VPS4A: variants seen among roughly 807,000 people sequenced by gnomAD.
The protein encoded by VPS4A is vacuolar protein sorting-associated protein 4A.
Under a neutral mutation model 52.3 loss-of-function variants are expected in VPS4A, and 20 were observed. That is an observed-to-expected ratio of 0.38 (90% CI 0.27 to 0.56). The LOEUF is 0.56. Among genes scored for constraint, VPS4A ranks in the 20% least tolerant of loss-of-function variants. The pLI is 0.72. For synonymous variants in VPS4A, 293 were observed against 227.7 expected (o/e 1.29, Z -2.58); for missense variants, 419 against 575.9 (o/e 0.73, Z 2.79).
At chr16:69,315,778 C>G (rs1023875090) in intron 1 of VPS4A, among the ~76,000 whole-genome samples, 1 of 152,178 alleles carries the variant, frequency 6.6e-6, no homozygotes, top group Non-Finnish European at 1.5e-5. Context: ...AAATCCAGAG[C>G]GTGGCTTTTA....
chr16:69,319,680 T>C, intron 6 of VPS4A, 137 bp downstream of exon 6: 1 of 1,210,144 alleles, frequency 8.3e-7, no homozygotes, highest in Non-Finnish European at 1.1e-6. Flanking sequence ...TGTCGCTAGC[T>C]TATCGGCTGG....
At chr16:69,315,701 T>C (rs1435256909) in intron 1 of VPS4A, among the ~76,000 whole-genome samples, 2 of 152,178 alleles carry the variant, frequency 1.3e-5, no homozygotes, top group African/African-American at 2.4e-5. Context: ...GGCAGCAGAA[T>C]AGAAAGTCCC....
chr16:69,311,475 C>G lies in VPS4A; in HGVS notation c.-37C>G. On this transcript the variant is annotated 5_prime_UTR_variant, in exon 1 of 11. Transcript: ENST00000254950. ...CCCGGGGCCGGACCGAGGCCGCAAG[C>G]AGCGCCGCGGGGTGTGGGGCGGACC... 25 of 1,300,964 alleles carry G rather than the reference C, an allele frequency of 1.9e-5. No homozygotes were observed. The highest frequency in any genetic ancestry group is 2.4e-5 in the Non-Finnish European group (24 of 1,013,684). 80.6% of individuals were successfully genotyped at this position (1,300,964 alleles called of 1,614,324 possible).
intron 6 of VPS4A, among the ~76,000 whole-genome samples, chr16:69,319,814 G>C (rs1965487927): frequency 6.6e-6 from 1 of 152,208 alleles, no homozygotes; most frequent in South Asian, 2.1e-4. Flanking sequence ...TGTTGGGGCA[G>C]TGTGTGGGGG....
Position 69,321,094 on chromosome 16 carries a change from C to G in VPS4A, c.895C>G (p.Arg299Gly). ...TATCCCCTTGCCGGAGGAAGCTGCCCGCGCCCAGATGTTCCGGTTGCATCT... is the reference window on the plus strand; with the variant it reads ...TATCCCCTTGCCGGAGGAAGCTGCCGGCGCCCAGATGTTCCGGTTGCATCT... ...IYIPLPEEAA[R>G]AQMFRLHLGS... The change falls in exon 9 of 11, where the codon CGC becomes GGC. Residue 299 changes from arginine (R) to glycine (G), a missense_variant. Arg to Gly is a moderately radical substitution (Grantham distance 125). This residue lies in a region of VPS4A where 185 missense variants were observed against 200.2 expected (regional missense o/e 0.92). Coordinates refer to ENST00000254950, the MANE Select transcript of VPS4A (RefSeq NM_013245.3). This position sits in a 1 kb window ranked among gnomAD's most constrained non-coding sequence, Gnocchi z 4.5. 1 of 1,596,628 alleles carries G rather than the reference C, an allele frequency of 6.3e-7. No individual in the cohort carries two copies. Among genetic ancestry groups the G allele is most frequent in the Non-Finnish European group, 8.5e-7 (1 of 1,171,746 alleles).
At position 69,321,889 on chromosome 16, in the gene VPS4A, T is replaced by C. The variant is rs1302950787; in HGVS notation, c.1071+619T>C. 1 of 157,802 alleles carries C rather than the reference T, an allele frequency of 6.3e-6. No homozygotes were observed. The highest frequency in any genetic ancestry group is 1.4e-5 in the Non-Finnish European group (1 of 71,900). 9.8% of individuals were successfully genotyped at this position (157,802 alleles called of 1,614,324 possible). A position where few individuals can be genotyped will look rare whatever the true frequency, so the allele number is the denominator to read the frequency against. On this transcript the variant is annotated intron_variant, in intron 9 of 10. Coordinates refer to ENST00000254950, the MANE Select transcript of VPS4A (RefSeq NM_013245.3). The surrounding 1 kb of genome is among the most constrained non-coding windows in gnomAD (Gnocchi z 4.5). ...GGTGAAGGTGTGAGGGAATGAGCCT[T>C]GTGGACATTGGGGGAATGTTTTGCC... is the stretch of plus-strand genomic sequence containing the variant.
rs768241015 is a variant in VPS4A, at chr16:69,320,334, A to AG, written c.769+46dup. On this transcript the variant is annotated intron_variant, in intron 7 of 10. Coordinates refer to ENST00000254950, the MANE Select transcript of VPS4A (RefSeq NM_013245.3). The surrounding 1 kb of genome is among the most constrained non-coding windows in gnomAD (Gnocchi z 4.2). Reference sequence around the variant, plus strand: ...CCCCCTTGGTTCTTGTTGCACCTGAAGCCAACCCTGGGCTTTATTCTGAGC... The same window carrying AG: ...CCCCCTTGGTTCTTGTTGCACCTGAAGGCCAACCCTGGGCTTTATTCTGAGC... 1 of 1,600,160 alleles carries AG rather than the reference A, an allele frequency of 6.2e-7. No homozygotes were observed. The highest frequency in any genetic ancestry group is 8.5e-7 in the Non-Finnish European group (1 of 1,169,694).
chr16:69,320,441 C>A lies in VPS4A; in HGVS notation c.769+152C>A. 1 of 1,154,022 alleles carries A rather than the reference C, an allele frequency of 8.7e-7. No homozygotes were observed. Among genetic ancestry groups the A allele is most frequent in the Non-Finnish European group, 1.2e-6 (1 of 829,222 alleles). 71.5% of individuals were successfully genotyped at this position (1,154,022 alleles called of 1,614,324 possible). ...TCAGGGCACGGGTGGACTTCAATTC[C>A]CAAGAGGTGCCTGAGGCCTCTGCCT... On this transcript the variant is annotated intron_variant, in intron 7 of 10. Coordinates refer to ENST00000254950, the MANE Select transcript of VPS4A (RefSeq NM_013245.3). This position sits in a 1 kb window ranked among gnomAD's most constrained non-coding sequence, Gnocchi z 4.2.
rs1052832205 is a variant in VPS4A at position 69,319,379 on chromosome 16, T to C, written c.464-8T>C. The C allele has an allele frequency of 9.3e-6, 15 of 1,613,562 alleles. No homozygotes were observed. The highest frequency in any genetic ancestry group is 1.3e-5 in the African/African-American group (1 of 74,946). On this transcript the variant is annotated splice_region_variant and splice_polypyrimidine_tract_variant and intron_variant, in intron 5 of 10. Coordinates refer to ENST00000254950, the MANE Select transcript of VPS4A (RefSeq NM_013245.3). ...AGGAGGCCTAACTTCTGTGGTTCTC[T>C]GTTGCAGGCAAGCGCACCCCCTGGC...
At chr16:69,323,574 G>T (rs1364868354) in intron 10 of VPS4A, 1 of 452,466 alleles carries the variant, frequency 2.2e-6, no homozygotes, top group African/African-American at 2.0e-5. Flanking sequence ...CAGTTGCAAA[G>T]GCAGCGCCTC....
chr16:69,317,559 C>T (rs972613686), intron 3 of VPS4A, among the ~76,000 whole-genome samples: 3 of 152,002 alleles, frequency 2.0e-5, no homozygotes, highest in South Asian at 2.1e-4. Flanking sequence ...TTTGGGAAGC[C>T]GAGGCGGGCG....
rs964207422 is a variant in VPS4A at position 69,319,081 on chromosome 16, C to T, written c.463+139C>T. The T allele has an allele frequency of 7.2e-5, 93 of 1,288,684 alleles. No homozygotes were observed. The African/African-American group carries it at 1.2e-3, about 16-fold the overall frequency. The allele number at this position is 1,288,684 out of a possible 1,614,324, so 79.8% of individuals were successfully genotyped here. On this transcript the variant is annotated intron_variant, in intron 5 of 10. Coordinates refer to ENST00000254950, the MANE Select transcript of VPS4A (RefSeq NM_013245.3). ...CCAGGCCTGGCTGCTCGCTGGTGTC[C>T]ACAACACTGCTGTGGCTGGAGCTAT...
intron 1 of VPS4A, among the ~76,000 whole-genome samples, chr16:69,315,686 C>A (rs540820931): frequency 6.6e-6 from 1 of 152,312 alleles, no homozygotes; most frequent in African/African-American, 2.4e-5. Context: ...TTCTCTTTCC[C>A]TTGAGGCAGC....
At chr16:69,319,641 G>C (rs1394241243) in intron 6 of VPS4A, 98 bp downstream of exon 6, 14 of 1,466,568 alleles carry the variant, frequency 9.5e-6, no homozygotes, top group Non-Finnish European at 1.3e-5. Context: ...GAGTGGTTTG[G>C]TTTTCAGGGA....
At position 69,320,607 on chromosome 16, in the gene VPS4A, A is replaced by G. The variant is rs994564396; in HGVS notation, c.770-81A>G. The G allele has an allele frequency of 6.4e-6, 8 of 1,255,488 alleles. No homozygotes were observed. In the African/African-American group the frequency reaches 7.5e-5, roughly 12 times the overall value. 77.8% of individuals were successfully genotyped at this position (1,255,488 alleles called of 1,614,324 possible). On this transcript the variant is annotated intron_variant, in intron 7 of 10. Coordinates refer to ENST00000254950, the MANE Select transcript of VPS4A (RefSeq NM_013245.3). The surrounding 1 kb of genome is among the most constrained non-coding windows in gnomAD (Gnocchi z 4.2). ...GATGGCTTCAATTGCTGACACACAA[A>G]GCCCCCGGGGTCTGTCCCCAGGTTT...
rs1965584809 is a variant in VPS4A at position 69,325,762 on chromosome 16, T to C, written c.*1453T>C. 6.7e-6 allele frequency: 1 copy of C among 149,070 alleles called. No individual in the cohort carries two copies. The highest frequency in any genetic ancestry group is 2.5e-5 in the African/African-American group (1 of 40,472). The allele number at this position is 149,070 out of a possible 1,614,324, so 9.2% of individuals were successfully genotyped here. On this transcript the variant is annotated 3_prime_UTR_variant, in exon 11 of 11. Transcript: ENST00000254950. ...AAAAAAAAAAAGTCGAGAGTTGACATAAAAATTCAGAATTCTGACTTCTAG... is the reference window on the plus strand; with the variant it reads ...AAAAAAAAAAAGTCGAGAGTTGACACAAAAATTCAGAATTCTGACTTCTAG...
rs115138683 is a variant in VPS4A, at chr16:69,323,499, T to C, written c.1213-709T>C. The stretch of plus-strand genomic sequence containing the variant: ...CAAGTAAAGTCAGGTCCAGATAATA[T>C]GACGTCAATCCATGGGTTTGGCTTT... On this transcript the variant is annotated intron_variant, in intron 10 of 10. Transcript: ENST00000254950. 601 of 365,094 alleles carry C rather than the reference T, an allele frequency of 1.6e-3. 3 individuals are homozygous for C. The highest frequency in any genetic ancestry group is 0.012 in the African/African-American group (586 of 46,988). 22.6% of individuals were successfully genotyped at this position (365,094 alleles called of 1,614,324 possible).
In VPS4A at chr16:69,325,076, C is replaced by T. The variant is rs1159006853; in HGVS notation, c.*767C>T. 6.6e-6 allele frequency: 1 copy of T among 152,296 alleles called. No individual in the cohort carries two copies. The highest frequency in any genetic ancestry group is 2.4e-5 in the African/African-American group (1 of 41,462). 9.4% of individuals were successfully genotyped at this position (152,296 alleles called of 1,614,324 possible). A position where few individuals can be genotyped will look rare whatever the true frequency, so the allele number is the denominator to read the frequency against. The stretch of plus-strand genomic sequence containing the variant: ...GATCTCATCTTTCCTTGACTCTTAA[C>T]TGAGACTCTGAAGGGCCACCCTTGC... On this transcript the variant is annotated 3_prime_UTR_variant, in exon 11 of 11. Transcript: ENST00000254950.
intron 3 of VPS4A, among the ~76,000 whole-genome samples, chr16:69,317,334 A>G (rs1049529437): frequency 2.6e-5 from 4 of 152,206 alleles, no homozygotes; most frequent in African/African-American, 4.8e-5. Flanking sequence ...CTTTGGAGTC[A>G]GGGGCACATG....
Sources: allele counts gnomAD v4.1 joint callset (sites outside exome capture counted in the v4.1 genomes callset), GRCh38; gene constraint gnomAD v4.1.1; regional missense constraint gnomAD v4.1.1; non-coding constraint Gnocchi (gnomAD v3.1); transcripts MANE v1.5; gene names NCBI Gene and HGNC (gene_info 2026-07-23, HGNC 2026-07-21).